IL1RAPL2: variants seen among roughly 807,000 people sequenced by gnomAD.
IL1RAPL2 encodes the protein interleukin 1 receptor accessory protein like 2.
Under a neutral mutation model 44.1 loss-of-function variants are expected in IL1RAPL2, and 3 were observed. That is an observed-to-expected ratio of 0.07 (90% CI 0.03 to 0.18). IL1RAPL2 has a LOEUF of 0.18. Among genes scored for constraint, IL1RAPL2 ranks in the 10% least tolerant of loss-of-function variants. IL1RAPL2 has a pLI of 1.00. For synonymous variants in IL1RAPL2, 181 were observed against 178.8 expected, an observed-to-expected ratio of 1.01 and a Z score of -0.10; for missense variants, 391 against 496.4, an observed-to-expected ratio of 0.79 and a Z score of 2.02.
intron 2 of IL1RAPL2, among the ~76,000 whole-genome samples, chrX:105,160,152 G>A (rs760321428): frequency 4.5e-5 from 5 of 110,633 alleles, no homozygotes; most frequent in Non-Finnish European, 3.8e-5. Flanking sequence ...AACTTTTGTT[G>A]CCTGGATTTC....
chrX:105,105,565 TA>T (rs753332819), intron 2 of IL1RAPL2, among the ~76,000 whole-genome samples: 1 of 112,361 alleles, frequency 8.9e-6, no homozygotes, highest in Admixed American at 9.4e-5. Flanking sequence ...TTGGTTTGAG[TA>T]CAGAGGAGGA....
rs974209813 is a variant in IL1RAPL2, at chrX:104,844,287, G to A, written c.82+185292G>A. Among the ~76,000 whole-genome samples, 4 of 111,358 alleles carry A rather than the reference G, an allele frequency of 3.6e-5. 1 individual carries two copies. In the Admixed American group the frequency reaches 3.8e-4, roughly 11 times the overall value. ...GTTCGTAGTACCAAGCAGCAACCTAGGATAATCAATTAGGTCAACCTTTTC... is the reference window on the plus strand; with the variant it reads ...GTTCGTAGTACCAAGCAGCAACCTAAGATAATCAATTAGGTCAACCTTTTC... On this transcript the variant is annotated intron_variant, in intron 2 of 10. Transcript: ENST00000372582.
intron 5 of IL1RAPL2, among the ~76,000 whole-genome samples, chrX:105,290,634 A>G (rs1472690104): frequency 5.4e-5 from 6 of 111,776 alleles, no homozygotes; most frequent in Admixed American, 3.8e-4. Flanking sequence ...CAAATTGGGA[A>G]GGGGGAAGAG....
At chrX:105,128,248 G>A (rs892894573) in intron 2 of IL1RAPL2, among the ~76,000 whole-genome samples, 14 of 110,119 alleles carry the variant, frequency 1.3e-4, no homozygotes, top group Non-Finnish European at 2.1e-4. Flanking sequence ...CTTATTTGTT[G>A]TTTATTTTTT....
intron 2 of IL1RAPL2, among the ~76,000 whole-genome samples, chrX:105,097,798 T>C (rs896053042): frequency 9.0e-6 from 1 of 111,445 alleles, no homozygotes; most frequent in Admixed American, 9.6e-5. Context: ...TGCTTCACCA[T>C]AACATAATCC....
At chrX:105,573,288 G>A (rs752558938) in intron 6 of IL1RAPL2, among the ~76,000 whole-genome samples, 1 of 110,795 alleles carries the variant, frequency 9.0e-6, no homozygotes, top group Non-Finnish European at 1.9e-5. Flanking sequence ...CAAATTCCTG[G>A]GCTCAAGTGA....
chrX:105,387,845 G>A (rs967432575), intron 5 of IL1RAPL2, among the ~76,000 whole-genome samples: 1 of 109,561 alleles, frequency 9.1e-6, no homozygotes, highest in South Asian at 3.9e-4. Context: ...TATGCTTTGC[G>A]TCTGTAGAAA....
At chrX:105,207,344 A>C (rs1348771232) in intron 3 of IL1RAPL2, among the ~76,000 whole-genome samples, 2 of 111,835 alleles carry the variant, frequency 1.8e-5, no homozygotes, top group Non-Finnish European at 3.8e-5. Context: ...GTGGTTCATC[A>C]TTAAATTGTA....
chrX:105,740,747 G>C, intron 8 of IL1RAPL2, 56 bp downstream of exon 8: 1 of 1,061,987 alleles, frequency 9.4e-7, no homozygotes, highest in South Asian at 2.2e-5. Context: ...AACTATTGAA[G>C]TTAGAGATAT....
chrX:105,709,745 A>T (rs779206405), intron 6 of IL1RAPL2, among the ~76,000 whole-genome samples: 1 of 111,564 alleles, frequency 9.0e-6, no homozygotes, highest in Admixed American at 9.6e-5. Flanking sequence ...GAAAACTAGG[A>T]TCTTAAGACT....
chrX:105,389,565 T>A (rs1210837153), intron 5 of IL1RAPL2, among the ~76,000 whole-genome samples: 2 of 111,760 alleles, frequency 1.8e-5, no homozygotes, highest in Non-Finnish European at 3.8e-5. Flanking sequence ...TAGTCAGATA[T>A]ACATTTGATA....
In IL1RAPL2 at chrX:105,168,396, A is replaced by G. The variant is rs182615618; in HGVS notation, c.83-27079A>G. 3.0e-3 allele frequency among the ~76,000 whole-genome samples: 290 copies of G among 97,545 alleles called. 1 individual carries two copies. The highest frequency in any genetic ancestry group is 3.5e-3 in the Non-Finnish European group (166 of 48,050). 84.7% of individuals were successfully genotyped at this position (97,545 alleles called of 115,157 possible). A position where few individuals can be genotyped will look rare whatever the true frequency, so the allele number is the denominator to read the frequency against. ...CATTGTATTAGCCAGTGTTCTCCAG[A>G]GAAATAGAACCATAGGAGGTGTGTG... On this transcript the variant is annotated intron_variant, in intron 2 of 10. Coordinates refer to ENST00000372582, the MANE Select transcript of IL1RAPL2 (RefSeq NM_017416.2).
intron 5 of IL1RAPL2, among the ~76,000 whole-genome samples, chrX:105,336,399 A>G (rs1327918978): frequency 1.8e-5 from 2 of 112,491 alleles, no homozygotes; most frequent in Non-Finnish European, 3.8e-5. Context: ...TGCATTCAAT[A>G]AAACTTTATT....
At chrX:105,587,402 T>C (rs896357397) in intron 6 of IL1RAPL2, among the ~76,000 whole-genome samples, 40 of 111,747 alleles carry the variant, frequency 3.6e-4, no homozygotes, top group African/African-American at 1.3e-3. Context: ...GAAACAAATT[T>C]GCTTTCTTTG....
intron 5 of IL1RAPL2, among the ~76,000 whole-genome samples, chrX:105,469,807 A>G (rs10126067): frequency 0.031 from 3,403 of 111,207 alleles, 134 homozygotes; most frequent in African/African-American, 0.1. Flanking sequence ...TTCCTATAAA[A>G]TGGAGATAAT....
chrX:104,906,204 G>T (rs1298269696), intron 2 of IL1RAPL2, among the ~76,000 whole-genome samples: 5 of 111,441 alleles, frequency 4.5e-5, no homozygotes, highest in African/African-American at 1.6e-4. Flanking sequence ...GAGATTTTGG[G>T]CTGAGACAAT....
chrX:105,401,131 T>G (rs887915674), intron 5 of IL1RAPL2, among the ~76,000 whole-genome samples: 2 of 111,707 alleles, frequency 1.8e-5, no homozygotes, highest in Non-Finnish European at 3.8e-5. Flanking sequence ...GGGTGAAACC[T>G]TCATAGCCTA....
chrX:105,411,506 C>T (rs756013461), intron 5 of IL1RAPL2, among the ~76,000 whole-genome samples: 1 of 110,803 alleles, frequency 9.0e-6, no homozygotes, highest in South Asian at 3.8e-4. Context: ...CAAAAGTAAG[C>T]CGGAATAGCC....
chrX:104,983,582 A>G (rs763113106), intron 2 of IL1RAPL2, among the ~76,000 whole-genome samples: 1 of 71,391 alleles, frequency 1.4e-5, no homozygotes, highest in African/African-American at 4.5e-5. Context: ...TATAGACATA[A>G]TATATAATAT....
Sources: allele counts gnomAD v4.1 joint callset (sites outside exome capture counted in the v4.1 genomes callset), GRCh38; gene constraint gnomAD v4.1.1; transcripts MANE v1.5; gene names NCBI Gene and HGNC (gene_info 2026-07-23, HGNC 2026-07-21).